IL1RL2: variants seen among roughly 807,000 people sequenced by gnomAD.
IL1RL2 encodes interleukin 1 receptor like 2.
In IL1RL2, 68 loss-of-function variants were observed where a neutral mutation model predicts 66.8. The observed-to-expected ratio is 1.02, with a 90% CI of 0.84 to 1.25. The LOEUF is 1.25. Among genes scored for constraint, IL1RL2 ranks in the 50% most tolerant of loss-of-function variants. The pLI is 0.00. For synonymous variants in IL1RL2, 305 were observed against 264.6 expected, an observed-to-expected ratio of 1.15 and a Z score of -1.48; for missense variants, 729 against 709.3, an observed-to-expected ratio of 1.03 and a Z score of -0.32.
At chr2:102,212,316 A>C in intron 6 of IL1RL2, 142 bp downstream of exon 6, 2 of 563,050 alleles carry the variant, frequency 3.6e-6, no homozygotes, top group Non-Finnish European at 3.1e-6. Context: ...ACGTGAGCTC[A>C]TGGGGAGAGG....
rs199967801 is a variant in IL1RL2 at position 102,219,982 on chromosome 2, G to A, written c.956G>A (p.Gly319Glu). The A allele has an allele frequency of 6.2e-7, 1 of 1,613,846 alleles. No homozygotes were observed. Among genetic ancestry groups the A allele is most frequent in the Non-Finnish European group, 8.5e-7 (1 of 1,179,844 alleles). Residue 319 changes from glycine (G) to glutamate (E), a missense_variant, in exon 8 of 12, where the codon GGA (glycine) becomes GAA (glutamate). Coordinates refer to ENST00000264257, the MANE Select transcript of IL1RL2 (RefSeq NM_003854.4). ...DYGLPFMCHA[G>E]VSTAYIILQL... ...GGCCTTCCTTTCATGTGCCACGCTGGAGTGTCCACAGCATACATTATATTA... is the reference window on the plus strand; with the variant it reads ...GGCCTTCCTTTCATGTGCCACGCTGAAGTGTCCACAGCATACATTATATTA...
intron 4 of IL1RL2, among the ~76,000 whole-genome samples, chr2:102,200,034 G>C (rs1049854304): frequency 6.7e-6 from 1 of 149,028 alleles, no homozygotes; most frequent in Non-Finnish European, 1.5e-5. Flanking sequence ...GCACGTACCT[G>C]TAGTCCCAGC....
intron 9 of IL1RL2, among the ~76,000 whole-genome samples, chr2:102,227,373 G>A (rs13033782): frequency 0.051 from 7,801 of 152,250 alleles, 223 homozygotes; most frequent in Middle Eastern, 0.14. Context: ...TACGGTTGTT[G>A]CCCACATGTT....
intron 5 of IL1RL2, among the ~76,000 whole-genome samples, chr2:102,202,122 G>T (rs1688310864): frequency 6.6e-6 from 1 of 152,092 alleles, no homozygotes; most frequent in African/African-American, 2.4e-5. Context: ...CCTGCCTCAA[G>T]TGCCGCAGAG....
Position 102,187,431 on chromosome 2 carries a change from C to G in IL1RL2, c.-13+345C>G, listed in dbSNP as rs545812286. Reference sequence around the variant, plus strand: ...CTCGGGTGGATCCCGAGGACACAGGCGCGCAGGGGAGGCTCCGTGCGCCGC... The same window carrying G: ...CTCGGGTGGATCCCGAGGACACAGGGGCGCAGGGGAGGCTCCGTGCGCCGC... On this transcript the variant is annotated intron_variant, in intron 1 of 11. Transcript: ENST00000264257. 3.9e-4 allele frequency: 418 copies of G among 1,081,042 alleles called. 2 individuals carry two copies. The African/African-American group carries it at 6.4e-3, about 16-fold the overall frequency. 67.0% of individuals were successfully genotyped at this position (1,081,042 alleles called of 1,614,324 possible).
At chr2:102,242,306 C>G (rs746650042), downstream of IL1RL2, among the ~76,000 whole-genome samples, 1 of 152,126 alleles carries the variant, frequency 6.6e-6, no homozygotes. Flanking sequence ...TCTTGCAATA[C>G]CAATCTTAGA....
intron 5 of IL1RL2, among the ~76,000 whole-genome samples, 167 bp downstream of exon 5, chr2:102,201,882 A>C (rs1240404287): frequency 6.6e-6 from 1 of 152,190 alleles, no homozygotes; most frequent in Non-Finnish European, 1.5e-5. Context: ...AGGTGGGAAG[A>C]GTGAGGCAGA....
chr2:102,189,060 G>GT lies in IL1RL2; in HGVS notation c.59-11dup. The GT allele has an allele frequency of 6.3e-7, 1 of 1,580,902 alleles. No homozygotes were observed. The highest frequency in any genetic ancestry group is 8.7e-7 in the Non-Finnish European group (1 of 1,154,890). ...CTTTCATGGATAATTGTTTTGTTTTGTTTTTCTTTCCCTAGATGGATGCAA... is the reference window on the plus strand; with the variant it reads ...CTTTCATGGATAATTGTTTTGTTTTGTTTTTTCTTTCCCTAGATGGATGCAA... On this transcript the variant is annotated splice_polypyrimidine_tract_variant and intron_variant, in intron 2 of 11. Coordinates refer to ENST00000264257, the MANE Select transcript of IL1RL2 (RefSeq NM_003854.4).
rs201048946 is a variant in IL1RL2 at position 102,233,076 on chromosome 2, T to C, written c.1249T>C (p.Cys417Arg). The C allele has an allele frequency of 7.1e-5, 115 of 1,613,924 alleles. No individual in the cohort carries two copies. The highest frequency in any genetic ancestry group is 9.0e-5 in the Non-Finnish European group (106 of 1,179,982). ...NILPEVLERQ[C>R]GYKLFIFGRD... ...CCTGCCCGAGGTGTTGGAGAGACAA[T>C]GTGGATATAAGTTGTTTATATTCGG... Residue 417 changes from cysteine (C) to arginine (R), a missense_variant, in exon 10 of 12, where the codon TGT becomes CGT. Cys to Arg is a radical substitution (Grantham distance 180). Coordinates refer to ENST00000264257, the MANE Select transcript of IL1RL2 (RefSeq NM_003854.4).
At chr2:102,216,571 T>C (rs1389802938) in intron 6 of IL1RL2, among the ~76,000 whole-genome samples, 2 of 152,184 alleles carry the variant, frequency 1.3e-5, no homozygotes, top group Admixed American at 6.5e-5. Flanking sequence ...TCCATTTACA[T>C]TCAAGATTAT....
chr2:102,234,723 G>A (rs1453844183), intron 10 of IL1RL2, among the ~76,000 whole-genome samples, 174 bp from the exon 11 acceptor site: 1 of 152,040 alleles, frequency 6.6e-6, no homozygotes, highest in African/African-American at 2.4e-5. Flanking sequence ...GGAGGTGGAG[G>A]TTGCAGTGAG....
At chr2:102,189,041 T>G (rs763308389) in intron 2 of IL1RL2, 35 bp from the exon 3 acceptor site, 3 of 1,497,642 alleles carry the variant, frequency 2.0e-6, no homozygotes, top group Non-Finnish European at 9.2e-7. Flanking sequence ...TTTTCTTTCA[T>G]GGATAATTGT....
intron 8 of IL1RL2, among the ~76,000 whole-genome samples, chr2:102,222,450 T>C (rs769325943): frequency 6.6e-6 from 1 of 152,206 alleles, no homozygotes; most frequent in Non-Finnish European, 1.5e-5. Flanking sequence ...TATAATGCCA[T>C]ACTGTTCTAC....
chr2:102,190,632 C>T (rs1349171368), intron 3 of IL1RL2, among the ~76,000 whole-genome samples: 1 of 152,234 alleles, frequency 6.6e-6, no homozygotes, highest in Non-Finnish European at 1.5e-5. Context: ...GTCGTTAGCT[C>T]TGCCTGGCTC....
At chr2:102,219,404 A>G (rs1689898424) in intron 7 of IL1RL2, among the ~76,000 whole-genome samples, 1 of 152,262 alleles carries the variant, frequency 6.6e-6, no homozygotes, top group Non-Finnish European at 1.5e-5. Context: ...TTGCAACAGT[A>G]GAAGAAAGAA....
intron 11 of IL1RL2, among the ~76,000 whole-genome samples, chr2:102,236,210 C>G (rs578072314): frequency 6.6e-6 from 1 of 152,348 alleles, no homozygotes; most frequent in Non-Finnish European, 1.5e-5. Flanking sequence ...AGGCATAGCT[C>G]AACCTTCTGA....
intron 8 of IL1RL2, among the ~76,000 whole-genome samples, chr2:102,221,791 G>A (rs917676168): frequency 6.6e-6 from 1 of 152,168 alleles, no homozygotes; most frequent in Admixed American, 6.5e-5. Context: ...GGAGGATAGC[G>A]ACTTCCTTCC....
chr2:102,196,938 G>T (rs1687837214), intron 4 of IL1RL2, among the ~76,000 whole-genome samples: 1 of 152,120 alleles, frequency 6.6e-6, no homozygotes, highest in Admixed American at 6.5e-5. Flanking sequence ...TCCTTCTGTG[G>T]GGCTATAGTG....
At chr2:102,187,254 G>T in intron 1 of IL1RL2, 168 bp downstream of exon 1, 1 of 1,186,596 alleles carries the variant, frequency 8.4e-7, no homozygotes, top group Non-Finnish European at 1.1e-6. Context: ...AGCCGACTCC[G>T]TCTCTGGGTC....
Sources: gnomAD v4.1 joint callset for allele counts (sites outside exome capture counted in the v4.1 genomes callset) on GRCh38, gnomAD v4.1.1 for gene constraint, MANE v1.5 for transcripts, NCBI Gene and HGNC (gene_info 2026-07-23, HGNC 2026-07-21) for gene names.